Variants in UBE2S observed in about 807,000 individuals in gnomAD.
The protein encoded by UBE2S is ubiquitin conjugating enzyme E2 S, also known as ubiquitin-conjugating enzyme E2 S.
A neutral mutation model predicts 12.3 loss-of-function variants in UBE2S; 3 were observed. The ratio of observed to expected loss-of-function variants is 0.24; its 90% CI spans 0.11 to 0.63. The LOEUF (loss-of-function observed/expected upper bound fraction) is 0.63, where lower values mean the gene tolerates loss of function less well. Ranked by LOEUF, UBE2S falls within the 30% of genes least tolerant of loss-of-function variation. The pLI is 0.85. For synonymous variants in UBE2S, 133 were observed against 142.0 expected, an observed-to-expected ratio of 0.94 and a Z score of 0.45; for missense variants, 211 against 313.9, an observed-to-expected ratio of 0.67 and a Z score of 2.48.
intron 3 of UBE2S, among the ~76,000 whole-genome samples, chr19:55,403,422 A>G (rs1371022599): frequency 6.6e-6 from 1 of 152,140 alleles, no homozygotes; most frequent in East Asian, 1.9e-4. Flanking sequence ...CCAGGAGTTC[A>G]AGGCTACAGT....
intron 3 of UBE2S, among the ~76,000 whole-genome samples, chr19:55,402,745 G>A (rs746694690): frequency 2.0e-5 from 3 of 152,118 alleles, no homozygotes; most frequent in African/African-American, 2.4e-5. Context: ...CCTGGAGCTC[G>A]GTGCCAATGT....
intron 3 of UBE2S, chr19:55,403,243 G>A (rs2090074296): frequency 1.7e-5 from 10 of 595,534 alleles, no homozygotes; most frequent in East Asian, 2.8e-5. Flanking sequence ...CCACTGAACT[G>A]TATACTTTGG....
Position 55,404,865 on chromosome 19 carries a change from A to C in UBE2S, c.152-387T>G, listed in dbSNP as rs1218704064. Among the ~76,000 whole-genome samples the C allele has an allele frequency of 6.6e-6, 1 of 151,892 alleles. No homozygotes were observed. Among genetic ancestry groups the C allele is most frequent in the Non-Finnish European group, 1.5e-5 (1 of 67,960 alleles). The stretch of plus-strand genomic sequence containing the variant: ...CAATTTGTTCACCTCAGCCTCCCAA[A>C]GTGCTGGGATTACAGGCGTGAACCA... On this transcript the variant is annotated intron_variant, in intron 2 of 3. Transcript: ENST00000264552. This position sits in a 1 kb window ranked among gnomAD's most constrained non-coding sequence, Gnocchi z 4.4.
chr19:55,403,579 G>C (rs761989156), intron 3 of UBE2S, among the ~76,000 whole-genome samples: 2 of 152,060 alleles, frequency 1.3e-5, no homozygotes, highest in Non-Finnish European at 2.9e-5. Context: ...CTAGACCCTT[G>C]ACCTCCACCT....
chr19:55,402,568 C>T (rs183507250), intron 3 of UBE2S, among the ~76,000 whole-genome samples: 1 of 152,362 alleles, frequency 6.6e-6, no homozygotes, highest in African/African-American at 2.4e-5. Context: ...CACTATGACA[C>T]ATACACAGTA....
chr19:55,407,726 T>G lies in UBE2S; in HGVS notation c.-137A>C. The G allele has an allele frequency of 1.7e-6, 1 of 598,694 alleles. No homozygotes were observed. The highest frequency in any genetic ancestry group is 2.4e-6 in the Non-Finnish European group (1 of 414,420). 37.1% of individuals were successfully genotyped at this position (598,694 alleles called of 1,614,324 possible). A position where few individuals can be genotyped will look rare whatever the true frequency, so the allele number is the denominator to read the frequency against. On this transcript the variant is annotated 5_prime_UTR_variant, in exon 1 of 4. Coordinates refer to ENST00000264552, the MANE Select transcript of UBE2S (RefSeq NM_014501.3). ...CGGCCCCGCTCCGCTCCCCGCTGCC[T>G]CCGACGTCCGCCGCGCACAGCGTAG... is the stretch of plus-strand genomic sequence containing the variant.
rs778323528 is a variant in UBE2S at position 55,401,660 on chromosome 19, G to A, written c.445C>T (p.Arg149Cys). The A allele has an allele frequency of 8.1e-6, 13 of 1,610,420 alleles. No homozygotes were observed. The highest frequency in any genetic ancestry group is 1.7e-4 in the Middle Eastern group (1 of 5,946). The stretch of plus-strand genomic sequence containing the variant: ...CCCCCGTGGATCTCTGTGAGCAGAC[G>A]GGCCCGAGCCGCATACTCCTCGTAG... ...ENYEEYAARA[R>C]LLTEIHGGAG... The change falls in exon 4 of 4, where the codon CGT becomes TGT. Residue 149 changes from arginine (R) to cysteine (C), a missense_variant. Around this residue, in one of 2 missense-constraint regions of UBE2S, gnomAD observed 127 missense variants for 224.0 expected, o/e 0.57. Transcript: ENST00000264552.
chr19:55,406,373 C>T (rs900229926), intron 2 of UBE2S, among the ~76,000 whole-genome samples: 6 of 152,126 alleles, frequency 3.9e-5, no homozygotes, highest in African/African-American at 1.2e-4. Context: ...TCATGTGACC[C>T]GCAAATCATT....
rs747735123 is a variant in UBE2S, at chr19:55,404,109, G to A, written c.342+179C>T. 1.4e-5 allele frequency: 10 copies of A among 727,470 alleles called. No individual in the cohort carries two copies. Among genetic ancestry groups the A allele is most frequent in the Admixed American group, 2.7e-5 (1 of 36,764 alleles). The allele number at this position is 727,470 out of a possible 1,614,324, so 45.1% of individuals were successfully genotyped here. On this transcript the variant is annotated intron_variant, in intron 3 of 3. Coordinates refer to ENST00000264552, the MANE Select transcript of UBE2S (RefSeq NM_014501.3). This position sits in a 1 kb window ranked among gnomAD's most constrained non-coding sequence, Gnocchi z 4.4. The stretch of plus-strand genomic sequence containing the variant: ...CCTGGGCACTTCTCAACAGTACTTG[G>A]GTGTCCTGGGTCTGGCACTGTTTGT...
chr19:55,405,061 T>C lies in UBE2S; in HGVS notation c.152-583A>G, dbSNP rs150315872. Among the ~76,000 whole-genome samples, 698 of 149,284 alleles carry C rather than the reference T, an allele frequency of 4.7e-3. 8 individuals carry two copies. The highest frequency in any genetic ancestry group is 0.016 in the African/African-American group (655 of 40,474). The stretch of plus-strand genomic sequence containing the variant: ...CCCCGTCTCTACTAAAAATACAATA[T>C]TAGCCAGGCGTGGTGGTGCATGCCT... On this transcript the variant is annotated intron_variant, in intron 2 of 3. Coordinates refer to ENST00000264552, the MANE Select transcript of UBE2S (RefSeq NM_014501.3).
Position 55,401,081 on chromosome 19 carries a change from CA to C in UBE2S, c.*354del, listed in dbSNP as rs1390326890. ...CCATTTTAGATTGGAAATCTGACTC[CA>C]AAGAGGGGTTGTGACCGCTCTACCT... On this transcript the variant is annotated 3_prime_UTR_variant, in exon 4 of 4. Coordinates refer to ENST00000264552, the MANE Select transcript of UBE2S (RefSeq NM_014501.3). The C allele has an allele frequency of 3.5e-6, 1 of 284,476 alleles. No individual in the cohort carries two copies. Among genetic ancestry groups the C allele is most frequent in the Non-Finnish European group, 6.6e-6 (1 of 150,654 alleles). 17.6% of individuals were successfully genotyped at this position (284,476 alleles called of 1,614,324 possible).
rs1350509514 is a variant in UBE2S, at chr19:55,404,344, C to T, written c.286G>A (p.Val96Ile). Reference sequence around the variant, plus strand: ...GTCCAGTCCCTCTTGAGCACGTTGACGCAGATCTCGCCATTGGCGCCCACG... The same window carrying T: ...GTCCAGTCCCTCTTGAGCACGTTGATGCAGATCTCGCCATTGGCGCCCACG... ...PNVGANGEIC[V>I]NVLKRDWTAE... The change falls in exon 3 of 4, where the codon GTC (valine) becomes ATC (isoleucine). Residue 96 changes from valine (V) to isoleucine (I), a missense_variant. Val to Ile is a conservative substitution (Grantham distance 29, BLOSUM62 3). Around this residue, in one of 2 missense-constraint regions of UBE2S, gnomAD observed 127 missense variants for 224.0 expected, o/e 0.57. Transcript: ENST00000264552. The surrounding 1 kb of genome is among the most constrained non-coding windows in gnomAD (Gnocchi z 4.4). 3.7e-6 allele frequency: 6 copies of T among 1,613,822 alleles called. No homozygotes were observed. Among genetic ancestry groups the T allele is most frequent in the Admixed American group, 1.7e-5 (1 of 60,020 alleles).
At chr19:55,406,708 C>T (rs2090098300) in intron 2 of UBE2S, 107 bp downstream of exon 2, 1 of 1,431,880 alleles carries the variant, frequency 7.0e-7, no homozygotes, top group African/African-American at 1.4e-5. Context: ...CATCCCAACA[C>T]CTGACACGAG....
At chr19:55,406,727 G>C in intron 2 of UBE2S, 88 bp downstream of exon 2, 1 of 1,505,384 alleles carries the variant, frequency 6.6e-7, no homozygotes, top group East Asian at 2.3e-5. Flanking sequence ...AGGCCAGCCT[G>C]TAATGGGTAC....
intron 2 of UBE2S, among the ~76,000 whole-genome samples, chr19:55,405,644 C>T (rs977764390): frequency 1.3e-5 from 2 of 152,184 alleles, no homozygotes; most frequent in Admixed American, 1.3e-4. Context: ...CCTCCTGGAT[C>T]CCCCGTCTCA....
Position 55,401,501 on chromosome 19 carries a change from C to G in UBE2S, c.604G>C (p.Glu202Gln). The stretch of plus-strand genomic sequence containing the variant: ...TTGGCCGCCAGCTTCTTATCGCGCT[C>G]GCCAGCATGCTTCTTGGCCATGGGA... ...EGPMAKKHAG[E>Q]RDKKLAAKKK... The change falls in exon 4 of 4, where the codon GAG becomes CAG. Residue 202 changes from glutamate (E) to glutamine (Q), a missense_variant. By Grantham distance (29) the Glu-to-Gln change is conservative. Coordinates refer to ENST00000264552, the MANE Select transcript of UBE2S (RefSeq NM_014501.3). The G allele has an allele frequency of 6.2e-7, 1 of 1,609,804 alleles. No individual in the cohort carries two copies. The highest frequency in any genetic ancestry group is 8.5e-7 in the Non-Finnish European group (1 of 1,179,720).
In UBE2S at chr19:55,401,463, G is replaced by C. The variant is rs1437987468; in HGVS notation, c.642C>G (p.Asp214Glu). The C allele has an allele frequency of 6.2e-7, 1 of 1,606,944 alleles. No individual in the cohort carries two copies. The highest frequency in any genetic ancestry group is 1.7e-5 in the Admixed American group (1 of 59,768). ...ACAGCCGCCGCAGCGCCCGCTTCTT[G>C]TCCGTCTTTTTCTTGGCCGCCAGCT... ...DKKLAAKKKT[D>E]KKRALRRL Residue 214 changes from aspartate (D) to glutamate (E), a missense_variant, in exon 4 of 4, where the codon GAC (aspartate) becomes GAG (glutamate). By Grantham distance (45) the Asp-to-Glu change is conservative (BLOSUM62 2). This residue lies in a region of UBE2S where 84 missense variants were observed against 89.9 expected (regional missense o/e 0.93). Transcript: ENST00000264552.
Position 55,401,561 on chromosome 19 carries a change from G to A in UBE2S, c.544C>T (p.Pro182Ser), listed in dbSNP as rs779440236. ...ASGTEASSTD[P>S]GAPGGPGGAE... Reference sequence around the variant, plus strand: ...CCTCCCGGGCCCCCTGGGGCCCCAGGGTCGGTGGAGGAAGCTTCAGTGCCA... The same window carrying A: ...CCTCCCGGGCCCCCTGGGGCCCCAGAGTCGGTGGAGGAAGCTTCAGTGCCA... The change falls in exon 4 of 4, where the codon CCT (proline) becomes TCT (serine). Residue 182 changes from proline to serine, a missense_variant. Coordinates refer to ENST00000264552, the MANE Select transcript of UBE2S (RefSeq NM_014501.3). 2.7e-5 allele frequency: 43 copies of A among 1,610,178 alleles called. No individual in the cohort carries two copies. Among genetic ancestry groups the A allele is most frequent in the Non-Finnish European group, 3.3e-5 (39 of 1,179,498 alleles).
At chr19:55,403,833 C>T in intron 3 of UBE2S, 1 of 165,190 alleles carries the variant, frequency 6.1e-6, no homozygotes, top group South Asian at 1.3e-4. Flanking sequence ...CTCTGCCTCC[C>T]AGGCTCAAGC....
Sources: gnomAD v4.1 joint callset for allele counts (sites outside exome capture counted in the v4.1 genomes callset) on GRCh38, gnomAD v4.1.1 for gene constraint, gnomAD v4.1.1 regional missense constraint, Gnocchi (gnomAD v3.1) non-coding constraint, MANE v1.5 for transcripts, NCBI Gene and HGNC (gene_info 2026-07-23, HGNC 2026-07-21) for gene names.